Variants in NCOA1 observed in about 807,000 individuals in gnomAD.
NCOA1 encodes the protein Hin-2 protein.
A neutral mutation model predicts 150.9 loss-of-function variants in NCOA1; 35 were observed. The ratio of observed to expected loss-of-function variants is 0.23; its 90% CI spans 0.18 to 0.31. NCOA1 has a LOEUF of 0.31. Ranked by LOEUF, NCOA1 falls within the 10% of genes least tolerant of loss-of-function variation. NCOA1 has a pLI of 1.00. For missense variants in NCOA1, 1,491 were observed against 1,749.3 expected (o/e 0.85, Z 2.63); for synonymous variants, 590 against 630.0 (o/e 0.94, Z 0.95).
chr2:24,571,576 A>G (rs1356466566), intron 2 of NCOA1, among the ~76,000 whole-genome samples: 1 of 152,244 alleles, frequency 6.6e-6, no homozygotes, highest in African/African-American at 2.4e-5. Context: ...CCTAGAGTCT[A>G]TGCATCTCTA....
chr2:24,690,257 G>A (rs1312777404), intron 8 of NCOA1, among the ~76,000 whole-genome samples: 1 of 152,116 alleles, frequency 6.6e-6, no homozygotes, highest in Non-Finnish European at 1.5e-5. Flanking sequence ...TCCAGTATAG[G>A]TTTGTTTCCA....
chr2:24,500,163 C>CA (rs772349461), intron 1 of NCOA1, among the ~76,000 whole-genome samples: 1 of 152,024 alleles, frequency 6.6e-6, no homozygotes, highest in Admixed American at 6.5e-5. Context: ...GGCTGGAGTG[C>CA]AATGGCGCGA....
chr2:24,697,317 C>T (rs1046705122), intron 10 of NCOA1, among the ~76,000 whole-genome samples: 2 of 152,222 alleles, frequency 1.3e-5, no homozygotes, highest in African/African-American at 2.4e-5. Context: ...CCTTTCCAAT[C>T]GGTCATCAGT....
intron 1 of NCOA1, among the ~76,000 whole-genome samples, chr2:24,533,847 G>A (rs1665002603): frequency 6.6e-6 from 1 of 152,182 alleles, no homozygotes; most frequent in South Asian, 2.1e-4. Flanking sequence ...CAGTTTGCCA[G>A]TATTTTATTG....
intron 3 of NCOA1, among the ~76,000 whole-genome samples, chr2:24,599,725 CTTTT>C (rs33950079): frequency 6.5e-5 from 7 of 108,498 alleles, no homozygotes; most frequent in Non-Finnish European, 5.8e-5. Context: ...TATGATTGAT[CTTTT>C]TTTTTTTTTT....
At chr2:24,726,004 CAT>C (rs1349291303) in intron 14 of NCOA1, among the ~76,000 whole-genome samples, 1 of 152,004 alleles carries the variant, frequency 6.6e-6, no homozygotes, top group Non-Finnish European at 1.5e-5. Flanking sequence ...TTCTAAAATG[CAT>C]ATACTATTTT....
rs1665272556 is a variant in NCOA1 at position 24,770,627 on chromosome 2, T to G, written c.*2236T>G. 1 of 203,790 alleles carries G rather than the reference T, an allele frequency of 4.9e-6. No homozygotes were observed. Among genetic ancestry groups the G allele is most frequent in the Non-Finnish European group, 1.0e-5 (1 of 99,216 alleles). 12.6% of individuals were successfully genotyped at this position (203,790 alleles called of 1,614,324 possible). ...CTTCATTTACAGGGAAGAAATGAAA[T>G]GTACATCTGCAGAAATTGCCAAAGC... On this transcript the variant is annotated 3_prime_UTR_variant, in exon 23 of 23. Coordinates refer to ENST00000348332, the MANE Select transcript of NCOA1 (RefSeq NM_003743.5).
At chr2:24,594,833 G>A (rs568499539) in intron 3 of NCOA1, among the ~76,000 whole-genome samples, 1 of 152,096 alleles carries the variant, frequency 6.6e-6, no homozygotes, top group South Asian at 2.1e-4. Context: ...ATTAGGATGC[G>A]ATGAGACTGT....
At chr2:24,717,122 A>T (rs1674089535) in intron 14 of NCOA1, among the ~76,000 whole-genome samples, 1 of 152,220 alleles carries the variant, frequency 6.6e-6, no homozygotes, top group Non-Finnish European at 1.5e-5. Context: ...GCTGGCGAGG[A>T]TGTAGAGCAA....
At chr2:24,548,722 C>T (rs1278456197) in intron 1 of NCOA1, among the ~76,000 whole-genome samples, 2 of 152,174 alleles carry the variant, frequency 1.3e-5, no homozygotes, top group Admixed American at 6.5e-5. Flanking sequence ...GTCCAAAATC[C>T]AGCAGGGCAG....
intron 1 of NCOA1, among the ~76,000 whole-genome samples, chr2:24,539,194 C>T (rs796233041): frequency 1.3e-5 from 2 of 152,114 alleles, no homozygotes; most frequent in African/African-American, 4.8e-5. Context: ...GAACTCCTGG[C>T]CTCAAGTGAT....
intron 3 of NCOA1, among the ~76,000 whole-genome samples, chr2:24,610,751 A>G (rs1051720054): frequency 2.1e-5 from 3 of 145,640 alleles, no homozygotes; most frequent in African/African-American, 7.6e-5. Flanking sequence ...TGCCTTATTT[A>G]CTTGTATTTA....
At chr2:24,671,452 T>C (rs564049305) in intron 6 of NCOA1, among the ~76,000 whole-genome samples, 16 of 152,090 alleles carry the variant, frequency 1.1e-4, no homozygotes, top group Non-Finnish European at 2.2e-4. Flanking sequence ...AATTTAGGAG[T>C]TTAGGGCTAG....
chr2:24,727,213 C>CATGACCA (rs1177461241), intron 15 of NCOA1, among the ~76,000 whole-genome samples: 1 of 150,384 alleles, frequency 6.6e-6, no homozygotes, highest in African/African-American at 2.4e-5. Context: ...TTATTGACTG[C>CATGACCA]ATGACCACAA....
intron 13 of NCOA1, among the ~76,000 whole-genome samples, chr2:24,710,225 C>G (rs1233424269): frequency 6.6e-6 from 1 of 152,078 alleles, no homozygotes; most frequent in Non-Finnish European, 1.5e-5. Flanking sequence ...CCACTAGTAG[C>G]TGGAGTTATA....
intron 3 of NCOA1, among the ~76,000 whole-genome samples, chr2:24,612,305 C>T (rs1306283454): frequency 6.6e-6 from 1 of 152,180 alleles, no homozygotes; most frequent in Admixed American, 6.5e-5. Context: ...ACCTTTTTCT[C>T]TGACTACCTT....
chr2:24,669,040 G>T (rs1229572621), intron 6 of NCOA1, among the ~76,000 whole-genome samples: 1 of 152,140 alleles, frequency 6.6e-6, no homozygotes, highest in Non-Finnish European at 1.5e-5. Context: ...AAACTATACT[G>T]AAAGTAAGAG....
intron 1 of NCOA1, among the ~76,000 whole-genome samples, chr2:24,542,458 G>A (rs1025805620): frequency 6.6e-6 from 1 of 152,204 alleles, no homozygotes; most frequent in Non-Finnish European, 1.5e-5. Flanking sequence ...TACGATTCTA[G>A]TAGAAAATTT....
intron 4 of NCOA1, among the ~76,000 whole-genome samples, chr2:24,655,356 C>T (rs1670886433): frequency 6.6e-6 from 1 of 152,042 alleles, no homozygotes; most frequent in South Asian, 2.1e-4. Context: ...CTTGTATATA[C>T]AGATGATATA....
Sources: gnomAD v4.1 joint callset for allele counts (sites outside exome capture counted in the v4.1 genomes callset) on GRCh38, gnomAD v4.1.1 for gene constraint, MANE v1.5 for transcripts, NCBI Gene and HGNC (gene_info 2026-07-23, HGNC 2026-07-21) for gene names.